Variants in FAM47E observed in about 807,000 individuals in gnomAD.
The protein encoded by FAM47E is family with sequence similarity 47 member E, also known as protein FAM47E.
Under a neutral mutation model 41.6 loss-of-function variants are expected in FAM47E, and 32 were observed. The ratio of observed to expected loss-of-function variants is 0.77; its 90% CI spans 0.58 to 1.03. FAM47E has a LOEUF of 1.03. FAM47E is among the 50% of genes least tolerant of loss of function. FAM47E has a pLI of 0.00. For synonymous variants in FAM47E, 184 were observed against 188.7 expected (o/e 0.98, Z 0.20); for missense variants, 424 against 485.4 (o/e 0.87, Z 1.19).
intron 5 of FAM47E, among the ~76,000 whole-genome samples, chr4:76,276,542 T>G (rs1735125395): frequency 6.6e-6 from 1 of 151,818 alleles, no homozygotes; most frequent in Non-Finnish European, 1.5e-5. Flanking sequence ...CCAGCTAATT[T>G]TGTATATTTA....
intron 2 of FAM47E, among the ~76,000 whole-genome samples, chr4:76,220,852 G>A (rs2109979546): frequency 6.6e-6 from 1 of 152,322 alleles, no homozygotes; most frequent in South Asian, 2.1e-4. Context: ...AAGCAAGATT[G>A]TACAAGAATG....
At chr4:76,281,998 G>A (rs541198797) in intron 7 of FAM47E, 2 of 152,136 alleles carry the variant, frequency 1.3e-5, no homozygotes, top group East Asian at 3.9e-4. Flanking sequence ...TTGATTGTGA[G>A]ATGAGATGGT....
intron 2 of FAM47E, among the ~76,000 whole-genome samples, chr4:76,256,882 G>C (rs911232770): frequency 3.3e-5 from 5 of 152,150 alleles, no homozygotes; most frequent in African/African-American, 1.2e-4. Flanking sequence ...GAATTGTCTA[G>C]TCTTATTTTT....
intron 7 of FAM47E, chr4:76,283,130 T>C (rs548990575): frequency 2.8e-5 from 9 of 322,042 alleles, no homozygotes; most frequent in African/African-American, 1.0e-4. Flanking sequence ...CAAGGCTATG[T>C]TGAGCTGGGC....
chr4:76,251,890 C>T (rs899051309), intron 1 of FAM47E, 70 bp downstream of exon 1: 2 of 1,354,676 alleles, frequency 1.5e-6, no homozygotes. Context: ...GAGACCCGCG[C>T]TTGCTGGGGC....
intron 4 of FAM47E, among the ~76,000 whole-genome samples, chr4:76,270,822 G>C (rs1189469032): frequency 6.6e-6 from 1 of 152,012 alleles, no homozygotes; most frequent in Non-Finnish European, 1.5e-5. Context: ...CATGCTGTTT[G>C]TTTATTTTTC....
chr4:76,248,281 T>C (rs557310720), upstream of FAM47E, among the ~76,000 whole-genome samples: 1 of 152,258 alleles, frequency 6.6e-6, no homozygotes, highest in East Asian at 1.9e-4. Flanking sequence ...GTCCAATTTA[T>C]CTATTTTTTC....
rs533869239 is a variant in FAM47E, at chr4:76,251,886, C to G, written c.74+66C>G. The G allele has an allele frequency of 1.3e-5, 18 of 1,354,728 alleles. No homozygotes were observed. In the South Asian group the frequency reaches 3.1e-4, roughly 23 times the overall value. 83.9% of individuals were successfully genotyped at this position (1,354,728 alleles called of 1,614,324 possible). A position where few individuals can be genotyped will look rare whatever the true frequency, so the allele number is the denominator to read the frequency against. On this transcript the variant is annotated intron_variant, in intron 1 of 7. Coordinates refer to ENST00000424749, the MANE Select transcript of FAM47E (RefSeq NM_001136570.3). ...GGCCGCGCGGGGGCGCCTGGAGACCCGCGCTTGCTGGGGCGGGGGCGAGGG... is the reference window on the plus strand; with the variant it reads ...GGCCGCGCGGGGGCGCCTGGAGACCGGCGCTTGCTGGGGCGGGGGCGAGGG...
At chr4:76,271,502 T>C in intron 4 of FAM47E, 66 bp from the exon 5 acceptor site, 1 of 1,529,176 alleles carries the variant, frequency 6.5e-7, no homozygotes, top group Non-Finnish European at 8.9e-7. Flanking sequence ...GGCCCTCAGA[T>C]TAAAGAAGAA....
At chr4:76,226,107 G>A (rs55902443) in intron 2 of FAM47E, among the ~76,000 whole-genome samples, 97,991 of 151,776 alleles carry the variant, frequency 0.65, 33,611 homozygotes, top group Non-Finnish European at 0.78. Context: ...GAAGTCCGAC[G>A]GAGTCAAAGG....
intron 2 of FAM47E, among the ~76,000 whole-genome samples, chr4:76,222,120 G>A (rs758644593): frequency 4.6e-5 from 7 of 152,182 alleles, no homozygotes; most frequent in Non-Finnish European, 7.3e-5. Context: ...TCCTTTATCT[G>A]AAGAAAAATC....
Position 76,256,345 on chromosome 4 carries a change from G to T in FAM47E, c.242G>T (p.Arg81Ile), listed in dbSNP as rs1291008545. 1 of 1,551,718 alleles carries T rather than the reference G, an allele frequency of 6.4e-7. No homozygotes were observed. Among genetic ancestry groups the T allele is most frequent in the African/African-American group, 1.4e-5 (1 of 73,124 alleles). ...GGCTTTCTGCCCCAGATTTATCACA[G>T]AGCTCCCCAACTGGCCCCAAAGAAG... ...VEGFLPQIYH[R>I]APQLAPKKRQ... Residue 81 changes from arginine (R) to isoleucine (I), a missense_variant, in exon 2 of 8, where the codon AGA (arginine) becomes ATA (isoleucine). By Grantham distance (97) the Arg-to-Ile change is moderately conservative (BLOSUM62 -3). Coordinates refer to ENST00000424749, the MANE Select transcript of FAM47E (RefSeq NM_001136570.3).
At chr4:76,254,590 A>G (rs717239) in intron 1 of FAM47E, among the ~76,000 whole-genome samples, 62,722 of 152,036 alleles carry the variant, frequency 0.41, 14,390 homozygotes, top group Non-Finnish European at 0.53. Flanking sequence ...GCAACAAGTA[A>G]GAAGTTTCTA....
At chr4:76,254,542 G>A (rs28636389) in intron 1 of FAM47E, among the ~76,000 whole-genome samples, 28,259 of 152,078 alleles carry the variant, frequency 0.19, 2,976 homozygotes, top group East Asian at 0.47. Context: ...TCACAGTAGA[G>A]TTGGGTTAAG....
chr4:76,280,032 C>A, intron 6 of FAM47E: 1 of 388,326 alleles, frequency 2.6e-6, no homozygotes, highest in South Asian at 4.1e-5. Context: ...AAATGTGTTG[C>A]CCATCCTTAA....
intron 2 of FAM47E, among the ~76,000 whole-genome samples, chr4:76,237,749 C>T (rs1348940424): frequency 6.6e-6 from 1 of 152,106 alleles, no homozygotes; most frequent in Non-Finnish European, 1.5e-5. Flanking sequence ...GGAGCAGGCA[C>T]ATCACATGGC....
chr4:76,276,037 G>GACAGACACACAC lies in FAM47E; in HGVS notation c.871-2029_871-2028insGACACACACACA, dbSNP rs1553957135. 5.9e-3 allele frequency among the ~76,000 whole-genome samples: 370 copies of GACAGACACACAC among 62,372 alleles called. 1 individual carries two copies. The highest frequency in any genetic ancestry group is 9.7e-3 in the Admixed American group (60 of 6,182). 40.9% of individuals were successfully genotyped at this position (62,372 alleles called of 152,430 possible). On this transcript the variant is annotated intron_variant, in intron 5 of 7. Transcript: ENST00000424749. ...GGACAGACAGACAGACAGACAGACA[G>GACAGACACACAC]ACACACACACACACACACACACACA...
At chr4:76,230,530 C>G (rs1230298273) in intron 2 of FAM47E, among the ~76,000 whole-genome samples, 3 of 152,198 alleles carry the variant, frequency 2.0e-5, no homozygotes, top group Non-Finnish European at 4.4e-5. Flanking sequence ...CTTCTTTCTG[C>G]AGCAGTTCCT....
At chr4:76,228,016 G>A (rs1733427982) in intron 2 of FAM47E, among the ~76,000 whole-genome samples, 1 of 151,870 alleles carries the variant, frequency 6.6e-6, no homozygotes, top group South Asian at 2.1e-4. Flanking sequence ...GAACATTTAG[G>A]CCATTTACAT....
Sources: allele counts gnomAD v4.1 joint callset (sites outside exome capture counted in the v4.1 genomes callset), GRCh38; gene constraint gnomAD v4.1.1; transcripts MANE v1.5; gene names NCBI Gene and HGNC (gene_info 2026-07-23, HGNC 2026-07-21).